The following PTPRK variants were observed in gnomAD, a reference collection of about 807,000 sequenced individuals.
PTPRK encodes receptor-type tyrosine-protein phosphatase kappa.
Under a neutral mutation model 178.0 loss-of-function variants are expected in PTPRK, and 75 were observed. The observed-to-expected ratio is 0.42, with a 90% CI of 0.35 to 0.51. The LOEUF (loss-of-function observed/expected upper bound fraction) is 0.51, where lower values mean the gene tolerates loss of function less well. Ranked by LOEUF, PTPRK falls within the 20% of genes least tolerant of loss-of-function variation. The probability of loss-of-function intolerance (pLI) is 0.02; values close to 1 mark genes in which losing one functional copy is unlikely to be tolerated. For synonymous variants in PTPRK, 637 were observed against 620.6 expected (o/e 1.03, Z -0.39); for missense variants, 1,441 against 1,797.8 (o/e 0.80, Z 3.59).
intron 25 of PTPRK, among the ~76,000 whole-genome samples, 187 bp from the exon 26 acceptor site, chr6:127,977,241 C>A (rs1378555223): frequency 6.6e-6 from 1 of 152,158 alleles, no homozygotes; most frequent in East Asian, 1.9e-4. Flanking sequence ...TGAATTAGTA[C>A]AGTAATGAAT....
At chr6:128,219,567 T>C (rs1033624659) in intron 5 of PTPRK, among the ~76,000 whole-genome samples, 5 of 152,186 alleles carry the variant, frequency 3.3e-5, no homozygotes, top group African/African-American at 1.2e-4. Context: ...CACAGACCAG[T>C]ACCAGTTTGC....
intron 2 of PTPRK, among the ~76,000 whole-genome samples, chr6:128,357,306 G>T (rs1327878484): frequency 6.6e-6 from 1 of 152,164 alleles, no homozygotes; most frequent in African/African-American, 2.4e-5. Flanking sequence ...ATCAGCTATG[G>T]ATCAGAGTTC....
chr6:128,081,227 A>T (rs1204275908), intron 10 of PTPRK, among the ~76,000 whole-genome samples: 1 of 152,072 alleles, frequency 6.6e-6, no homozygotes, highest in Non-Finnish European at 1.5e-5. Context: ...TTCAATACAT[A>T]TTTTAAATTC....
intron 1 of PTPRK, among the ~76,000 whole-genome samples, chr6:128,468,917 T>C (rs992772918): frequency 8.8e-5 from 12 of 136,824 alleles, no homozygotes; most frequent in African/African-American, 3.4e-4. Context: ...ATTAAACACC[T>C]TTTCAAAAAA....
intron 7 of PTPRK, among the ~76,000 whole-genome samples, chr6:128,114,283 G>GGA (rs888817512): frequency 2.0e-5 from 3 of 151,858 alleles, no homozygotes; most frequent in Non-Finnish European, 4.4e-5. Flanking sequence ...CATGACGGCA[G>GGA]GAGAGAGAGA....
At chr6:128,266,860 T>A (rs1488768087) in intron 3 of PTPRK, among the ~76,000 whole-genome samples, 1 of 152,092 alleles carries the variant, frequency 6.6e-6, no homozygotes, top group African/African-American at 2.4e-5. Flanking sequence ...AGACCAAAAC[T>A]GAAGTGGGAT....
intron 2 of PTPRK, among the ~76,000 whole-genome samples, chr6:128,378,706 T>C (rs1158135186): frequency 6.6e-6 from 1 of 152,112 alleles, no homozygotes; most frequent in Non-Finnish European, 1.5e-5. Flanking sequence ...AAGAATACTA[T>C]GTGAAATATG....
At chr6:128,472,424 C>G (rs922223394) in intron 1 of PTPRK, among the ~76,000 whole-genome samples, 6 of 147,826 alleles carry the variant, frequency 4.1e-5, no homozygotes, top group Non-Finnish European at 7.5e-5. Context: ...TTTGACACCC[C>G]CCCCCCCTTT....
intron 15 of PTPRK, chr6:127,999,979 AC>A (rs1385124837): frequency 3.2e-5 from 30 of 926,636 alleles, no homozygotes; most frequent in Non-Finnish European, 3.9e-5. Context: ...AAGAACAAGA[AC>A]ATTTTTGCCT....
intron 7 of PTPRK, among the ~76,000 whole-genome samples, chr6:128,172,413 T>A (rs1250006107): frequency 6.6e-6 from 1 of 151,930 alleles, no homozygotes; most frequent in Non-Finnish European, 1.5e-5. Flanking sequence ...TTATCTCCCC[T>A]GTGCTACTGA....
At chr6:128,017,132 GCTA>G (rs1779675987) in intron 13 of PTPRK, among the ~76,000 whole-genome samples, 1 of 151,900 alleles carries the variant, frequency 6.6e-6, no homozygotes, top group Non-Finnish European at 1.5e-5. Flanking sequence ...TGCCAAATCT[GCTA>G]CTAAGTCCAT....
intron 2 of PTPRK, among the ~76,000 whole-genome samples, chr6:128,343,272 G>T (rs539694032): frequency 6.6e-6 from 1 of 152,214 alleles, no homozygotes; most frequent in South Asian, 2.1e-4. Flanking sequence ...GGCTGAGGCA[G>T]GTGGATCACC....
intron 3 of PTPRK, among the ~76,000 whole-genome samples, chr6:128,278,260 G>A (rs1489963814): frequency 2.0e-5 from 3 of 151,906 alleles, no homozygotes; most frequent in Non-Finnish European, 4.4e-5. Flanking sequence ...GGGTTCATGC[G>A]ATTCTCCTGC....
At chr6:128,403,707 A>T (rs1275374861) in intron 1 of PTPRK, among the ~76,000 whole-genome samples, 1 of 152,158 alleles carries the variant, frequency 6.6e-6, no homozygotes, top group East Asian at 1.9e-4. Flanking sequence ...TATGGTTTCC[A>T]TCTAATATAC....
At chr6:128,058,635 C>A (rs1298666736) in intron 13 of PTPRK, among the ~76,000 whole-genome samples, 1 of 152,012 alleles carries the variant, frequency 6.6e-6, no homozygotes, top group Non-Finnish European at 1.5e-5. Context: ...GGAAAGAGGT[C>A]TTAAGTAGAA....
chr6:128,461,231 C>CGTGTGTGT lies in PTPRK; in HGVS notation c.100+59020_100+59027dup, dbSNP rs144928884. On this transcript the variant is annotated intron_variant, in intron 1 of 29. Transcript: ENST00000368226. ...AAAAATGTTTTATCTTTTGTTATTC[C>CGTGTGTGT]GTGTGTGTGTGTGTGTGTGTGTGTG... Among the ~76,000 whole-genome samples, 690 of 147,066 alleles carry CGTGTGTGT rather than the reference C, an allele frequency of 4.7e-3. 6 individuals carry two copies. Among genetic ancestry groups the CGTGTGTGT allele is most frequent in the African/African-American group, 0.016 (651 of 40,302 alleles).
At chr6:128,450,942 C>T (rs916846667) in intron 1 of PTPRK, among the ~76,000 whole-genome samples, 1 of 152,112 alleles carries the variant, frequency 6.6e-6, no homozygotes, top group East Asian at 1.9e-4. Context: ...TCATGAAACG[C>T]CATTTTTACT....
chr6:128,281,306 T>C (rs187994068), intron 3 of PTPRK, among the ~76,000 whole-genome samples: 28 of 152,302 alleles, frequency 1.8e-4, no homozygotes, highest in African/African-American at 6.5e-4. Context: ...GGTCTAATGG[T>C]AAAGAAAACA....
At chr6:128,428,718 G>A (rs1844471488) in intron 1 of PTPRK, among the ~76,000 whole-genome samples, 1 of 152,118 alleles carries the variant, frequency 6.6e-6, no homozygotes, top group Non-Finnish European at 1.5e-5. Flanking sequence ...AGTACCGATG[G>A]GGTCCCCAAC....
Sources: allele counts gnomAD v4.1 joint callset (sites outside exome capture counted in the v4.1 genomes callset), GRCh38; gene constraint gnomAD v4.1.1; transcripts MANE v1.5; gene names NCBI Gene and HGNC (gene_info 2026-07-23, HGNC 2026-07-21).